SLCO6A1: variants seen among roughly 807,000 people sequenced by gnomAD.
SLCO6A1 encodes solute carrier organic anion transporter family member 6A1, also known as cancer/testis antigen 48.
A neutral mutation model predicts 72.7 loss-of-function variants in SLCO6A1; 65 were observed. The observed-to-expected ratio is 0.89, with a 90% CI of 0.73 to 1.10. The LOEUF (loss-of-function observed/expected upper bound fraction) is 1.10, where lower values mean the gene tolerates loss of function less well. SLCO6A1 is among the 50% of genes least tolerant of loss of function. The pLI is 0.00. For missense variants in SLCO6A1, 874 were observed against 872.6 expected (o/e 1.00, Z -0.02); for synonymous variants, 314 against 298.2 (o/e 1.05, Z -0.55).
chr5:102,396,285 T>G (rs1747079107), intron 10 of SLCO6A1, among the ~76,000 whole-genome samples: 1 of 152,152 alleles, frequency 6.6e-6, no homozygotes, highest in South Asian at 2.1e-4. Flanking sequence ...CCAGCACCAT[T>G]TATTAAATAG....
At chr5:102,452,324 G>A (rs1404956123) in intron 6 of SLCO6A1, among the ~76,000 whole-genome samples, 1 of 151,736 alleles carries the variant, frequency 6.6e-6, no homozygotes, top group East Asian at 1.9e-4. Context: ...TTTGCTTTTT[G>A]CTTTTCTGTG....
chr5:102,381,184 TTCTG>T (rs1216413062), intron 12 of SLCO6A1, among the ~76,000 whole-genome samples: 9 of 151,830 alleles, frequency 5.9e-5, no homozygotes, highest in Admixed American at 1.3e-4. Flanking sequence ...AATTTATTAC[TTCTG>T]TCTAACTAAA....
chr5:102,491,560 A>T (rs1165193447), intron 1 of SLCO6A1, among the ~76,000 whole-genome samples: 1 of 152,176 alleles, frequency 6.6e-6, no homozygotes, highest in Non-Finnish European at 1.5e-5. Context: ...AGGCCCCGCG[A>T]GAAATTGAAC....
chr5:102,410,863 A>C (rs1747935954), intron 9 of SLCO6A1, among the ~76,000 whole-genome samples: 1 of 152,196 alleles, frequency 6.6e-6, no homozygotes, highest in Non-Finnish European at 1.5e-5. Context: ...TAACAAAAGC[A>C]TACAAGTTAG....
intron 7 of SLCO6A1, among the ~76,000 whole-genome samples, chr5:102,435,850 G>C (rs1297944240): frequency 6.6e-6 from 1 of 151,428 alleles, no homozygotes; most frequent in African/African-American, 2.4e-5. Context: ...ACCCCAGCCT[G>C]GGCAACAAGA....
chr5:102,483,654 C>T (rs1650023233), intron 1 of SLCO6A1, among the ~76,000 whole-genome samples: 1 of 152,154 alleles, frequency 6.6e-6, no homozygotes, highest in African/African-American at 2.4e-5. Context: ...GGTATGGGAT[C>T]GTTTATAAGG....
intron 6 of SLCO6A1, among the ~76,000 whole-genome samples, chr5:102,458,115 G>T (rs1045664922): frequency 7.9e-5 from 12 of 152,134 alleles, no homozygotes; most frequent in Middle Eastern, 6.8e-3. Context: ...GTGGGTGGAG[G>T]GGGGAGGGAT....
At chr5:102,395,195 C>T (rs1746998675) in intron 10 of SLCO6A1, among the ~76,000 whole-genome samples, 2 of 151,966 alleles carry the variant, frequency 1.3e-5, no homozygotes, top group Non-Finnish European at 2.9e-5. Flanking sequence ...CCCACCTCCC[C>T]CGACCCCACA....
In SLCO6A1 at chr5:102,373,473, G is replaced by A; in HGVS notation, c.2039C>T (p.Thr680Ile). ...VGICFLCKLC[T>I]IIFTTIAFFI... ...AAATGCAATAGTAGTGAAGATGATA[G>A]TGCATAGTTTGCAAAGAAAACCTAA... is the stretch of plus-strand genomic sequence containing the variant. Residue 680 changes from threonine to isoleucine, a missense_variant, in exon 13 of 14, where the codon ACT (threonine) becomes ATT (isoleucine). Coordinates refer to ENST00000506729, the MANE Select transcript of SLCO6A1 (RefSeq NM_173488.5). 6.6e-7 allele frequency: 1 copy of A among 1,506,180 alleles called. No homozygotes were observed. Among genetic ancestry groups the A allele is most frequent in the Non-Finnish European group, 8.9e-7 (1 of 1,128,258 alleles). The allele number at this position is 1,506,180 out of a possible 1,614,324, so 93.3% of individuals were successfully genotyped here.
intron 9 of SLCO6A1, among the ~76,000 whole-genome samples, chr5:102,403,598 G>A (rs1457675315): frequency 6.6e-6 from 1 of 152,042 alleles, no homozygotes; most frequent in African/African-American, 2.4e-5. Flanking sequence ...AAAACAGATG[G>A]TAAAATTTGT....
intron 12 of SLCO6A1, among the ~76,000 whole-genome samples, chr5:102,386,349 T>C (rs775587682): frequency 1.3e-5 from 2 of 152,152 alleles, no homozygotes; most frequent in Non-Finnish European, 2.9e-5. Flanking sequence ...GGGGTTGAGA[T>C]GGTGCTGGGG....
At chr5:102,476,272 C>G (rs763734258) in intron 3 of SLCO6A1, among the ~76,000 whole-genome samples, 3 of 152,006 alleles carry the variant, frequency 2.0e-5, no homozygotes, top group Non-Finnish European at 4.4e-5. Flanking sequence ...AGAGAACAGA[C>G]AGATTCATTT....
rs182494546 is a variant in SLCO6A1, at chr5:102,385,240, C to G, written c.2017+3448G>C. 9.1e-4 allele frequency among the ~76,000 whole-genome samples: 139 copies of G among 152,174 alleles called. 1 individual carries two copies. Among genetic ancestry groups the G allele is most frequent in the South Asian group, 1.0e-3 (5 of 4,826 alleles). On this transcript the variant is annotated intron_variant, in intron 12 of 13. Coordinates refer to ENST00000506729, the MANE Select transcript of SLCO6A1 (RefSeq NM_173488.5). ...TTACTGCTTTCAAAATTCTCTCTTG[C>G]CTTTGACTTTTGTGAATTTGATTGT...
intron 4 of SLCO6A1, among the ~76,000 whole-genome samples, chr5:102,465,767 G>A (rs1160749021): frequency 1.3e-5 from 2 of 152,060 alleles, no homozygotes; most frequent in Admixed American, 6.6e-5. Flanking sequence ...TGGTTGGAAA[G>A]AATACTTCAC....
chr5:102,425,450 A>G (rs1445622746), intron 7 of SLCO6A1, among the ~76,000 whole-genome samples: 1 of 152,212 alleles, frequency 6.6e-6, no homozygotes, highest in East Asian at 1.9e-4. Context: ...ATGTGCAAAA[A>G]TCACAGGCAT....
At chr5:102,438,807 T>C in intron 6 of SLCO6A1, 46 bp from the exon 7 acceptor site, 2 of 1,349,018 alleles carry the variant, frequency 1.5e-6, no homozygotes, top group South Asian at 3.3e-5. Flanking sequence ...TTTTGTTAGA[T>C]AAAGAGGAAT....
At chr5:102,389,470 T>A (rs1229430310) in intron 11 of SLCO6A1, among the ~76,000 whole-genome samples, 1 of 79,906 alleles carries the variant, frequency 1.3e-5, no homozygotes, top group Admixed American at 1.8e-4. Context: ...ACACACAGAG[T>A]TGCCCCCAAA....
intron 12 of SLCO6A1, among the ~76,000 whole-genome samples, chr5:102,375,582 T>C (rs891928181): frequency 2.6e-5 from 4 of 152,140 alleles, no homozygotes; most frequent in Non-Finnish European, 4.4e-5. Context: ...TCAGAGAGTT[T>C]CTAGCAGTTG....
At chr5:102,456,123 T>A (rs945764333) in intron 6 of SLCO6A1, among the ~76,000 whole-genome samples, 4 of 152,102 alleles carry the variant, frequency 2.6e-5, no homozygotes, top group Non-Finnish European at 4.4e-5. Flanking sequence ...ATAAGACCTA[T>A]CTATAACAAA....
Sources: allele counts gnomAD v4.1 joint callset (sites outside exome capture counted in the v4.1 genomes callset), GRCh38; gene constraint gnomAD v4.1.1; transcripts MANE v1.5; gene names NCBI Gene and HGNC (gene_info 2026-07-23, HGNC 2026-07-21).